USP6NL: variants seen among roughly 807,000 people sequenced by gnomAD.
The protein encoded by USP6NL is USP6 N-terminal-like protein.
In USP6NL, 26 loss-of-function variants were observed where a neutral mutation model predicts 61.9. The observed-to-expected ratio is 0.42, with a 90% CI of 0.31 to 0.58. The LOEUF (loss-of-function observed/expected upper bound fraction) is 0.58. Among genes scored for constraint, USP6NL ranks in the 20% least tolerant of loss-of-function variants. The pLI, the probability that USP6NL is intolerant of heterozygous loss-of-function variation, is 0.16. For synonymous variants in USP6NL, 432 were observed against 390.1 expected (o/e 1.11, Z -1.27); for missense variants, 1,114 against 1,034.3 (o/e 1.08, Z -1.06).
chr10:11,515,515 T>G (rs1322951755), intron 5 of USP6NL, among the ~76,000 whole-genome samples: 1 of 152,216 alleles, frequency 6.6e-6, no homozygotes, highest in East Asian at 1.9e-4. Context: ...TCAACTGGCT[T>G]CTGACGTGAG....
rs141148469 is a variant in USP6NL, at chr10:11,597,070, A to G, written c.4+561T>C. ...CAGTTAACACAAAAAAGTAAAATCC[A>G]GTTCTCTTGTTCACAAGCAGAAGTA... On this transcript the variant is annotated intron_variant, in intron 2 of 14. Transcript: ENST00000609104. This position sits in a 1 kb window ranked among gnomAD's most constrained non-coding sequence, Gnocchi z 4.6. Among the ~76,000 whole-genome samples the G allele has an allele frequency of 6.6e-6, 1 of 152,256 alleles. No individual in the cohort carries two copies. The highest frequency in any genetic ancestry group is 1.5e-5 in the Non-Finnish European group (1 of 68,024).
chr10:11,530,333 T>C (rs1473198827), intron 2 of USP6NL, among the ~76,000 whole-genome samples: 1 of 152,088 alleles, frequency 6.6e-6, no homozygotes, highest in Non-Finnish European at 1.5e-5. Flanking sequence ...AGTTTAAAAG[T>C]GTAAAGGCAA....
chr10:11,510,554 G>A lies in USP6NL; in HGVS notation c.196-879C>T, dbSNP rs1834660532. 6.6e-6 allele frequency among the ~76,000 whole-genome samples: 1 copy of A among 152,136 alleles called. No individual in the cohort carries two copies. The highest frequency in any genetic ancestry group is 1.5e-5 in the Non-Finnish European group (1 of 68,016). ...ATTCAGGGGCAAGGCTGCGGAATGG[G>A]GAAAGTGAGACGGAAAATGCTCGCT... is the stretch of plus-strand genomic sequence containing the variant. On this transcript the variant is annotated intron_variant, in intron 5 of 14. Coordinates refer to ENST00000609104, the MANE Select transcript of USP6NL (RefSeq NM_014688.5). The surrounding 1 kb of genome is among the most constrained non-coding windows in gnomAD (Gnocchi z 4.8).
chr10:11,593,815 G>A (rs752939199), intron 2 of USP6NL, among the ~76,000 whole-genome samples: 11 of 152,178 alleles, frequency 7.2e-5, no homozygotes, highest in Admixed American at 3.3e-4. Context: ...GGGCTGAGAC[G>A]TTAGAGCCAG....
At chr10:11,560,489 T>A (rs1591928597) in intron 2 of USP6NL, among the ~76,000 whole-genome samples, 1 of 151,944 alleles carries the variant, frequency 6.6e-6, no homozygotes, top group South Asian at 2.1e-4. Context: ...CTCAGGATTT[T>A]TTTTTCTTAT....
chr10:11,594,274 A>ATGT, intron 2 of USP6NL, among the ~76,000 whole-genome samples: 1 of 152,224 alleles, frequency 6.6e-6, no homozygotes, highest in African/African-American at 2.4e-5. Context: ...TCAAATGGAC[A>ATGT]AGAAAAAGAA....
chr10:11,544,556 C>T (rs1046405750), intron 2 of USP6NL, among the ~76,000 whole-genome samples: 1 of 152,008 alleles, frequency 6.6e-6, no homozygotes, highest in African/African-American at 2.4e-5. Flanking sequence ...TGCACGATCT[C>T]GGCTCACTGC....
Position 11,495,207 on chromosome 10 carries a change from T to C in USP6NL, c.385-1979A>G, listed in dbSNP as rs1833869305. ...CTTCTCACTGTGTCCCCTCAGCTCC[T>C]ATCTCTGTATGGCCTGGTTTTTCCT... On this transcript the variant is annotated intron_variant, in intron 7 of 14. Coordinates refer to ENST00000609104, the MANE Select transcript of USP6NL (RefSeq NM_014688.5). The surrounding 1 kb of genome is among the most constrained non-coding windows in gnomAD (Gnocchi z 4.6). Among the ~76,000 whole-genome samples, 1 of 152,220 alleles carries C rather than the reference T, an allele frequency of 6.6e-6. No homozygotes were observed. Among genetic ancestry groups the C allele is most frequent in the Non-Finnish European group, 1.5e-5 (1 of 68,032 alleles).
rs1040499983 is a variant in USP6NL, at chr10:11,537,690, G to A, written c.5-10123C>T. Among the ~76,000 whole-genome samples, 3 of 152,162 alleles carry A rather than the reference G, an allele frequency of 2.0e-5. No individual in the cohort carries two copies. The highest frequency in any genetic ancestry group is 4.4e-5 in the Non-Finnish European group (3 of 68,022). Reference sequence around the variant, plus strand: ...GTTGCCAAGCAAGTAGGGTCAGTGGGGCTGGGGAGGATGCAGCAAAGCTCT... The same window carrying A: ...GTTGCCAAGCAAGTAGGGTCAGTGGAGCTGGGGAGGATGCAGCAAAGCTCT... On this transcript the variant is annotated intron_variant, in intron 2 of 14. Transcript: ENST00000609104. This position sits in a 1 kb window ranked among gnomAD's most constrained non-coding sequence, Gnocchi z 5.1.
chr10:11,479,328 G>A (rs1275832454), intron 14 of USP6NL, among the ~76,000 whole-genome samples: 1 of 152,024 alleles, frequency 6.6e-6, no homozygotes, highest in African/African-American at 2.4e-5. Flanking sequence ...AGATGAACAG[G>A]GAAGTTCACA....
intron 2 of USP6NL, among the ~76,000 whole-genome samples, chr10:11,542,718 C>CA (rs1286357968): frequency 1.3e-5 from 2 of 151,890 alleles, no homozygotes; most frequent in Non-Finnish European, 2.9e-5. Context: ...GACTCTGCCT[C>CA]AAAAAACAGT....
At chr10:11,554,651 C>G (rs1162052051) in intron 2 of USP6NL, among the ~76,000 whole-genome samples, 1 of 151,462 alleles carries the variant, frequency 6.6e-6, no homozygotes, top group African/African-American at 2.4e-5. Flanking sequence ...TTGCTGCCTG[C>G]AAGAAGTTAA....
In USP6NL at chr10:11,561,909, T is replaced by C. The variant is rs989253696; in HGVS notation, c.5-34342A>G. Among the ~76,000 whole-genome samples, 1 of 152,240 alleles carries C rather than the reference T, an allele frequency of 6.6e-6. No individual in the cohort carries two copies. The highest frequency in any genetic ancestry group is 2.4e-5 in the African/African-American group (1 of 41,474). On this transcript the variant is annotated intron_variant, in intron 2 of 14. Transcript: ENST00000609104. This position sits in a 1 kb window ranked among gnomAD's most constrained non-coding sequence, Gnocchi z 4.1. ...ACAATATTTCATTATTGTTTATATA[T>C]GCATTCTCAAACAATGTAATTTCCT...
At chr10:11,501,005 A>C in intron 7 of USP6NL, 96 bp downstream of exon 7, 1 of 927,012 alleles carries the variant, frequency 1.1e-6, no homozygotes, top group Non-Finnish European at 1.5e-6. Flanking sequence ...ATATAATTTT[A>C]AGTGATCATA....
Position 11,463,110 on chromosome 10 carries a change from T to C in USP6NL, c.1818A>G (p.Lys606=), listed in dbSNP as rs772001283. The change falls in exon 15 of 15, where the codon AAA becomes AAG. Residue 606 remains lysine, a synonymous_variant. Transcript: ENST00000609104. The surrounding 1 kb of genome is among the most constrained non-coding windows in gnomAD (Gnocchi z 6.3). The part of the protein sequence containing the change: ...PSKVSNKFTF[K]VQPPSHARYP... ...ATCGTGCATGACTTGGAGGCTGTAC[T>C]TTAAAAGTAAACTTGTTGGATACTT... 1.9e-6 allele frequency: 3 copies of C among 1,614,034 alleles called. No homozygotes were observed. The highest frequency in any genetic ancestry group is 2.5e-6 in the Non-Finnish European group (3 of 1,179,900).
At chr10:11,512,822 C>A (rs1834780897) in intron 5 of USP6NL, among the ~76,000 whole-genome samples, 2 of 152,206 alleles carry the variant, frequency 1.3e-5, no homozygotes, top group African/African-American at 2.4e-5. Context: ...CCAAGCAAAA[C>A]CAACTGTTCC....
At chr10:11,582,307 G>A (rs1013596831) in intron 2 of USP6NL, among the ~76,000 whole-genome samples, 5 of 152,160 alleles carry the variant, frequency 3.3e-5, no homozygotes, top group African/African-American at 1.2e-4. Flanking sequence ...TGCCATGTTG[G>A]CCAGGTTAGT....
chr10:11,573,689 C>A, intron 2 of USP6NL: 1 of 398,836 alleles, frequency 2.5e-6, no homozygotes, highest in Non-Finnish European at 4.4e-6. Flanking sequence ...TGCTAGTTAA[C>A]AAGCCAAAGA....
At chr10:11,549,263 C>T (rs1209897618) in intron 2 of USP6NL, among the ~76,000 whole-genome samples, 2 of 152,106 alleles carry the variant, frequency 1.3e-5, no homozygotes, top group Non-Finnish European at 2.9e-5. Flanking sequence ...AGAACAACAA[C>T]AACAAAAACA....
Sources: gnomAD v4.1 joint callset for allele counts (sites outside exome capture counted in the v4.1 genomes callset) on GRCh38, gnomAD v4.1.1 for gene constraint, Gnocchi (gnomAD v3.1) non-coding constraint, MANE v1.5 for transcripts, NCBI Gene and HGNC (gene_info 2026-07-23, HGNC 2026-07-21) for gene names.